Variants in CHCHD3 observed in about 807,000 individuals in gnomAD.
CHCHD3 encodes the protein MICOS complex subunit MIC19.
CHCHD3 carries 20 observed loss-of-function variants against 38.2 expected under a neutral mutation model. The observed-to-expected ratio is 0.52, with a 90% CI of 0.37 to 0.76. The LOEUF (loss-of-function observed/expected upper bound fraction) is 0.76, where lower values mean the gene tolerates loss of function less well. Ranked by LOEUF, CHCHD3 falls within the 30% of genes least tolerant of loss-of-function variation. The probability of loss-of-function intolerance (pLI) is 0.00; values close to 1 mark genes in which losing one functional copy is unlikely to be tolerated. For missense variants in CHCHD3, 245 were observed against 279.2 expected (o/e 0.88, Z 0.87); for synonymous variants, 82 against 100.0 (o/e 0.82, Z 1.07).
intron 4 of CHCHD3, among the ~76,000 whole-genome samples, chr7:132,942,821 G>A (rs1007240874): frequency 1.3e-5 from 2 of 152,146 alleles, no homozygotes; most frequent in African/African-American, 4.8e-5. Flanking sequence ...GCTACAATAA[G>A]TTCAAAGGTG....
intron 2 of CHCHD3, among the ~76,000 whole-genome samples, chr7:133,050,338 C>CT (rs1227323898): frequency 3.0e-5 from 2 of 66,776 alleles, no homozygotes; most frequent in African/African-American, 1.2e-4. Flanking sequence ...GAGGCTGTGT[C>CT]TTAAAAAAAA....
chr7:133,019,643 C>T (rs969256551), intron 3 of CHCHD3, among the ~76,000 whole-genome samples: 7 of 151,996 alleles, frequency 4.6e-5, no homozygotes, highest in Non-Finnish European at 8.8e-5. Context: ...TGAAAAATAG[C>T]GAGCAAGTAA....
At chr7:132,881,920 T>C (rs1228327370) in intron 5 of CHCHD3, among the ~76,000 whole-genome samples, 5 of 152,186 alleles carry the variant, frequency 3.3e-5, no homozygotes, top group Non-Finnish European at 7.4e-5. Context: ...GTCTCTCACA[T>C]ATTCCTGGAA....
chr7:133,024,850 C>T (rs1813292810), intron 2 of CHCHD3, among the ~76,000 whole-genome samples: 1 of 152,140 alleles, frequency 6.6e-6, no homozygotes, highest in Non-Finnish European at 1.5e-5. Context: ...ATTTCCACTC[C>T]TGCCAAAATT....
intron 2 of CHCHD3, among the ~76,000 whole-genome samples, chr7:133,068,023 G>T (rs1814720830): frequency 6.6e-6 from 1 of 152,048 alleles, no homozygotes; most frequent in Non-Finnish European, 1.5e-5. Context: ...GACTGAGGCA[G>T]GAGAATGGCA....
intron 4 of CHCHD3, among the ~76,000 whole-genome samples, chr7:132,929,098 A>C (rs1349665034): frequency 6.6e-6 from 1 of 152,190 alleles, no homozygotes; most frequent in African/African-American, 2.4e-5. Flanking sequence ...CAAAGCTTAA[A>C]ATCTTCATAG....
chr7:132,829,346 A>G (rs922009912), intron 6 of CHCHD3, among the ~76,000 whole-genome samples: 21 of 152,294 alleles, frequency 1.4e-4, no homozygotes, highest in African/African-American at 4.8e-4. Context: ...CATTTATCTA[A>G]CTAACAGTGT....
chr7:133,053,532 G>C (rs1157404036), intron 2 of CHCHD3, among the ~76,000 whole-genome samples: 1 of 152,232 alleles, frequency 6.6e-6, no homozygotes, highest in African/African-American at 2.4e-5. Context: ...TGCTATGACA[G>C]AGTCTATGAA....
At chr7:133,031,806 A>C (rs1453956669) in intron 2 of CHCHD3, among the ~76,000 whole-genome samples, 2 of 152,198 alleles carry the variant, frequency 1.3e-5, no homozygotes, top group Non-Finnish European at 2.9e-5. Context: ...CAGATTTCAG[A>C]TAAAGACTCT....
intron 5 of CHCHD3, among the ~76,000 whole-genome samples, chr7:132,883,594 T>C (rs975819176): frequency 6.6e-6 from 1 of 152,168 alleles, no homozygotes; most frequent in African/African-American, 2.4e-5. Context: ...GAAAACTATA[T>C]GAGCTTCATA....
At chr7:133,069,894 T>C (rs1408678318) in intron 2 of CHCHD3, among the ~76,000 whole-genome samples, 1 of 152,154 alleles carries the variant, frequency 6.6e-6, no homozygotes, top group Non-Finnish European at 1.5e-5. Context: ...GAAGTAACTT[T>C]CCAAAGCCTA....
Position 132,803,668 on chromosome 7 carries a change from C to A in CHCHD3, c.525-7091G>T, listed in dbSNP as rs897182435. Among the ~76,000 whole-genome samples, 10 of 151,598 alleles carry A rather than the reference C, an allele frequency of 6.6e-5. No individual in the cohort carries two copies. The South Asian group carries it at 8.4e-4, about 13-fold the overall frequency. Reference sequence around the variant, plus strand: ...ATTCCTTTATCTACTCAGTCACTCCCAAAACAGAAGGAAGACAGGAGGAAC... The same window carrying A: ...ATTCCTTTATCTACTCAGTCACTCCAAAAACAGAAGGAAGACAGGAGGAAC... On this transcript the variant is annotated intron_variant, in intron 6 of 7. Coordinates refer to ENST00000262570, the MANE Select transcript of CHCHD3 (RefSeq NM_017812.4).
At chr7:132,916,917 A>T (rs1810119912) in intron 4 of CHCHD3, among the ~76,000 whole-genome samples, 1 of 152,162 alleles carries the variant, frequency 6.6e-6, no homozygotes, top group Admixed American at 6.5e-5. Flanking sequence ...TTATCACAGT[A>T]TGTATGTATG....
chr7:132,922,108 GA>G lies in CHCHD3; in HGVS notation c.370-36364del, dbSNP rs370553052. 3.0e-3 allele frequency among the ~76,000 whole-genome samples: 458 copies of G among 152,184 alleles called. 1 individual carries two copies. The highest frequency in any genetic ancestry group is 0.011 in the African/African-American group (439 of 41,528). On this transcript the variant is annotated intron_variant, in intron 4 of 7. Transcript: ENST00000262570. ...ACAAAGAGAAATGGACAGAGTAAAG[GA>G]AAAAAACTGTTCCCAGCTTGGTAGG...
intron 2 of CHCHD3, among the ~76,000 whole-genome samples, chr7:133,060,358 G>A (rs1013266591): frequency 3.9e-5 from 6 of 152,180 alleles, no homozygotes; most frequent in Non-Finnish European, 7.3e-5. Context: ...TGGAGGAGAG[G>A]GGTGTGTAAC....
In CHCHD3 at chr7:132,846,468, T is replaced by A. The variant is rs138329220; in HGVS notation, c.454-7999A>T. Among the ~76,000 whole-genome samples the A allele has an allele frequency of 7.4e-3, 1,121 of 152,368 alleles. 7 individuals are homozygous for A. Among genetic ancestry groups the A allele is most frequent in the Non-Finnish European group, 0.013 (885 of 68,034 alleles). ...TTTAAGCCACTAAGTTTGTGGTAGT[T>A]CATTATATAGTAAAAGCTAACTGAT... On this transcript the variant is annotated intron_variant, in intron 5 of 7. Coordinates refer to ENST00000262570, the MANE Select transcript of CHCHD3 (RefSeq NM_017812.4).
intron 6 of CHCHD3, among the ~76,000 whole-genome samples, chr7:132,803,595 T>C (rs1431209717): frequency 6.6e-6 from 1 of 152,012 alleles, no homozygotes; most frequent in Non-Finnish European, 1.5e-5. Flanking sequence ...GGAATGTTCA[T>C]CAAAATTGGT....
intron 4 of CHCHD3, among the ~76,000 whole-genome samples, chr7:132,940,277 G>A (rs1271103482): frequency 6.6e-6 from 1 of 152,184 alleles, no homozygotes; most frequent in Non-Finnish European, 1.5e-5. Context: ...TCAGCACACA[G>A]AAGCTAGATG....
chr7:132,923,637 T>C (rs918241421), intron 4 of CHCHD3, among the ~76,000 whole-genome samples: 1 of 152,130 alleles, frequency 6.6e-6, no homozygotes, highest in Non-Finnish European at 1.5e-5. Context: ...TAAAATTACA[T>C]ATAAAATAGT....
Sources: allele counts gnomAD v4.1 joint callset (sites outside exome capture counted in the v4.1 genomes callset), GRCh38; gene constraint gnomAD v4.1.1; transcripts MANE v1.5; gene names NCBI Gene and HGNC (gene_info 2026-07-23, HGNC 2026-07-21).